Variants in TTC23L observed in about 807,000 individuals in gnomAD.
TTC23L encodes tetratricopeptide repeat domain 23 like.
TTC23L carries 42 observed loss-of-function variants against 48.1 expected under a neutral mutation model. The ratio of observed to expected loss-of-function variants is 0.87; its 90% CI spans 0.68 to 1.13. The LOEUF is 1.13. TTC23L is among the 50% of genes most tolerant of loss of function. TTC23L has a pLI of 0.00. For missense variants in TTC23L, 391 were observed against 421.0 expected, an observed-to-expected ratio of 0.93 and a Z score of 0.62; for synonymous variants, 159 against 157.2, an observed-to-expected ratio of 1.01 and a Z score of -0.09.
chr5:34,845,391 C>T, intron 2 of TTC23L, 96 bp from the exon 3 acceptor site: 2 of 1,255,500 alleles, frequency 1.6e-6, no homozygotes, highest in South Asian at 1.6e-5. Context: ...AAATCATGTC[C>T]CTATCCCCTA....
chr5:34,858,449 G>A (rs1298837417), intron 4 of TTC23L, among the ~76,000 whole-genome samples: 1 of 152,074 alleles, frequency 6.6e-6, no homozygotes, highest in East Asian at 1.9e-4. Flanking sequence ...AGTGGAGGAA[G>A]CCTTGTGGTT....
At chr5:34,905,637 A>G in the TTC23L span, 1 of 152,194 alleles carries the variant, frequency 6.6e-6, no homozygotes, top group African/African-American at 2.4e-5. Context: ...TTTTACTAGA[A>G]AGAGAGATAA....
At chr5:34,912,221 T>C in the TTC23L span, among the ~76,000 whole-genome samples, 4 of 152,270 alleles carry the variant, frequency 2.6e-5, no homozygotes, top group African/African-American at 9.6e-5. Context: ...TCATCTGTAC[T>C]GTAACGTCAG....
the TTC23L span, chr5:34,925,206 TC>T: frequency 1.3e-6 from 2 of 1,498,444 alleles, no homozygotes; most frequent in African/African-American, 1.6e-5. Flanking sequence ...AAGCATCTAA[TC>T]TTTTTTTTTT....
chr5:34,874,430 G>T (rs1761683383), intron 8 of TTC23L, among the ~76,000 whole-genome samples: 1 of 152,192 alleles, frequency 6.6e-6, no homozygotes, highest in Non-Finnish European at 1.5e-5. Flanking sequence ...ACTATATAGT[G>T]TTATTTGTAA....
intron 4 of TTC23L, among the ~76,000 whole-genome samples, chr5:34,851,934 A>G (rs974500362): frequency 6.6e-6 from 1 of 152,156 alleles, no homozygotes; most frequent in African/African-American, 2.4e-5. Context: ...AATTCTGGGG[A>G]GGCAGTTCAG....
chr5:34,844,788 A>C (rs1413197225), intron 2 of TTC23L, among the ~76,000 whole-genome samples: 1 of 151,992 alleles, frequency 6.6e-6, no homozygotes, highest in African/African-American at 2.4e-5. Flanking sequence ...TGATGTTAGG[A>C]TATAGTTCTT....
the TTC23L span, chr5:34,921,999 C>A: frequency 4.0e-5 from 10 of 251,384 alleles, no homozygotes; most frequent in South Asian, 1.6e-4. Context: ...TAGATAATTT[C>A]ACCCAAGATA....
intron 2 of TTC23L, among the ~76,000 whole-genome samples, chr5:34,845,032 C>T (rs116162516): frequency 0.013 from 1,947 of 152,206 alleles, 39 homozygotes; most frequent in African/African-American, 0.042. Context: ...ACAGATATTC[C>T]TGGGGATCCT....
At chr5:34,852,409 T>C (rs1159303597) in intron 4 of TTC23L, among the ~76,000 whole-genome samples, 5 of 152,148 alleles carry the variant, frequency 3.3e-5, no homozygotes, top group Non-Finnish European at 7.4e-5. Context: ...GGCCCAGATA[T>C]CAGGGAGTGT....
intron 1 of TTC23L, among the ~76,000 whole-genome samples, chr5:34,840,426 G>T (rs1758553126): frequency 1.3e-5 from 2 of 152,146 alleles, no homozygotes; most frequent in South Asian, 4.1e-4. Flanking sequence ...TAAAGGCCAG[G>T]GATTTTGGAG....
chr5:34,895,626 A>C (rs1207933057), intron 9 of TTC23L, among the ~76,000 whole-genome samples: 2 of 152,226 alleles, frequency 1.3e-5, no homozygotes, highest in Admixed American at 6.5e-5. Flanking sequence ...AGGTGCCTCA[A>C]TGCCTATTAA....
At chr5:34,840,685 C>A (rs753254894) in exon 2 of TTC23L, 2 of 1,613,944 alleles carry the variant, frequency 1.2e-6, no homozygotes, top group Admixed American at 3.3e-5. Context: ...CAAGCCAGCC[C>A]CATCCGTATC....
intron 3 of TTC23L, among the ~76,000 whole-genome samples, chr5:34,849,903 G>T (rs1462849789): frequency 3.9e-5 from 6 of 152,186 alleles, no homozygotes; most frequent in African/African-American, 1.2e-4. Context: ...GACTGTGAGG[G>T]CCAGAGAGGA....
In TTC23L at chr5:34,846,576, A is replaced by AAT. The variant is rs1554017310; in HGVS notation, c.255+927_255+928dup. Among the ~76,000 whole-genome samples the AAT allele has an allele frequency of 2.1e-4, 21 of 98,346 alleles. 3 individuals are homozygous for AAT. The highest frequency in any genetic ancestry group is 1.2e-3 in the African/African-American group (19 of 15,994). 64.5% of individuals were successfully genotyped at this position (98,346 alleles called of 152,430 possible). On this transcript the variant is annotated intron_variant, in intron 3 of 10. Transcript: ENST00000505624. The stretch of plus-strand genomic sequence containing the variant: ...GACTCTGTCTCAAAAAAAAAAAAAA[A>AAT]ATATATATATATATATATATATATA...
chr5:34,890,424 A>G (rs934919541), intron 9 of TTC23L, among the ~76,000 whole-genome samples: 2 of 140,958 alleles, frequency 1.4e-5, no homozygotes, highest in African/African-American at 2.7e-5. Flanking sequence ...CCTAGGTAAC[A>G]GACTGAGACC....
At position 34,866,491 on chromosome 5, in the gene TTC23L, G is replaced by A. The variant is rs1428225048; in HGVS notation, c.663-401G>A. ...CTCATTTTTAACTGAGGAGGAATTCGCCAAATTAAATGGAACAAAACAAAG... is the reference window on the plus strand; with the variant it reads ...CTCATTTTTAACTGAGGAGGAATTCACCAAATTAAATGGAACAAAACAAAG... On this transcript the variant is annotated intron_variant, in intron 6 of 10. Coordinates refer to ENST00000505624, the Ensembl canonical transcript of TTC23L. Among the ~76,000 whole-genome samples, 6 of 151,960 alleles carry A rather than the reference G, an allele frequency of 3.9e-5. No homozygotes were observed. In the East Asian group the frequency reaches 5.8e-4, roughly 15 times the overall value.
At chr5:34,871,964 A>C (rs1761497657) in intron 8 of TTC23L, among the ~76,000 whole-genome samples, 1 of 152,192 alleles carries the variant, frequency 6.6e-6, no homozygotes, top group African/African-American at 2.4e-5. Flanking sequence ...TAACTGTAAG[A>C]GCTAAAATTT....
the TTC23L span, chr5:34,915,567 A>G: frequency 1.3e-6 from 1 of 764,888 alleles, no homozygotes; most frequent in South Asian, 2.1e-5. Context: ...CACAGAGCTG[A>G]AGGAGGCCTA....
Sources: gnomAD v4.1 joint callset for allele counts (sites outside exome capture counted in the v4.1 genomes callset) on GRCh38, gnomAD v4.1.1 for gene constraint, MANE v1.5 for transcripts, NCBI Gene and HGNC (gene_info 2026-07-23, HGNC 2026-07-21) for gene names.